Variants in SUPT5H observed in about 807,000 individuals in gnomAD.
SUPT5H encodes transcription elongation factor SPT5.
Under a neutral mutation model 142.5 loss-of-function variants are expected in SUPT5H, and 24 were observed. That is an observed-to-expected ratio of 0.17 (90% CI 0.12 to 0.24). The LOEUF (loss-of-function observed/expected upper bound fraction) is 0.24. Among genes scored for constraint, SUPT5H ranks in the 10% least tolerant of loss-of-function variants. The probability of loss-of-function intolerance (pLI) is 1.00; values close to 1 mark genes in which losing one functional copy is unlikely to be tolerated. For missense variants in SUPT5H, 893 were observed against 1,471.8 expected (o/e 0.61, Z 6.43); for synonymous variants, 546 against 553.0 (o/e 0.99, Z 0.18).
chr19:39,469,188 C>T lies in SUPT5H; in HGVS notation c.1237+16C>T. On this transcript the variant is annotated intron_variant, in intron 15 of 29. Transcript: ENST00000432763. The surrounding 1 kb of genome is among the most constrained non-coding windows in gnomAD (Gnocchi z 5.1). ...GAGAGCACAGGTATTTGATCCCCCT[C>T]TATAACCTGGGCCAAGGAGCAGGGG... The T allele has an allele frequency of 8.1e-6, 13 of 1,614,226 alleles. No individual in the cohort carries two copies. Among genetic ancestry groups the T allele is most frequent in the Non-Finnish European group, 1.0e-5 (12 of 1,180,028 alleles).
chr19:39,467,549 T>A (rs977498153), intron 13 of SUPT5H: 1 of 152,264 alleles, frequency 6.6e-6, no homozygotes, highest in Admixed American at 6.5e-5. Context: ...TTAGAAAGTC[T>A]CCTTTCCTGA....
chr19:39,456,998 T>C (rs1349205533), intron 3 of SUPT5H, among the ~76,000 whole-genome samples: 1 of 152,194 alleles, frequency 6.6e-6, no homozygotes, highest in Non-Finnish European at 1.5e-5. Flanking sequence ...TCTATGGACA[T>C]TGGAGTTTTT....
rs780611149 is a variant in SUPT5H at position 39,457,752 on chromosome 19, C to G, written c.307+12C>G. On this transcript the variant is annotated intron_variant, in intron 4 of 29. Transcript: ENST00000432763. ...CATTCTAGAGAAAGGTGTGTGTGAG[C>G]CCTGCCTCCACAAGACTACTGGGAA... 1.2e-6 allele frequency: 2 copies of G among 1,614,032 alleles called. No homozygotes were observed. Among genetic ancestry groups the G allele is most frequent in the Non-Finnish European group, 1.7e-6 (2 of 1,179,976 alleles).
At chr19:39,464,246 A>G (rs2079205177) in intron 10 of SUPT5H, among the ~76,000 whole-genome samples, 1 of 152,140 alleles carries the variant, frequency 6.6e-6, no homozygotes, top group Admixed American at 6.5e-5. Context: ...CGGCCTCCCA[A>G]AGTGCTGGGA....
intron 10 of SUPT5H, 173 bp downstream of exon 10, chr19:39,460,133 A>G (rs2079142827): frequency 3.1e-6 from 2 of 648,084 alleles, no homozygotes; most frequent in East Asian, 2.8e-5. Context: ...TTCTCGGCCT[A>G]GATGGATATG....
chr19:39,458,182 A>G lies in SUPT5H; in HGVS notation c.308-112A>G. ...TCCCTCCCTTCCCCTCCCCCAACCC[A>G]TTGGTTGATTTTGCTGCTATAATTT... On this transcript the variant is annotated intron_variant, in intron 4 of 29. Transcript: ENST00000432763. The surrounding 1 kb of genome is among the most constrained non-coding windows in gnomAD (Gnocchi z 4.2). 1.3e-6 allele frequency: 2 copies of G among 1,496,066 alleles called. No homozygotes were observed. The highest frequency in any genetic ancestry group is 1.8e-6 in the Non-Finnish European group (2 of 1,120,824). 92.7% of individuals were successfully genotyped at this position (1,496,066 alleles called of 1,614,324 possible).
intron 4 of SUPT5H, chr19:39,457,945 G>T (rs1217678745): frequency 4.2e-6 from 4 of 945,748 alleles, no homozygotes; most frequent in Admixed American, 2.0e-5. Context: ...CTGGGGTGGG[G>T]ATGTTGTGGG....
At chr19:39,453,105 A>C (rs1318587559) in intron 2 of SUPT5H, among the ~76,000 whole-genome samples, 1 of 151,958 alleles carries the variant, frequency 6.6e-6, no homozygotes, top group Non-Finnish European at 1.5e-5. Flanking sequence ...GAAAGTGAGC[A>C]AGAGGTCTAG....
intron 18 of SUPT5H, among the ~76,000 whole-genome samples, chr19:39,471,073 A>G (rs143461244): frequency 6.6e-6 from 1 of 152,276 alleles, no homozygotes; most frequent in Non-Finnish European, 1.5e-5. Flanking sequence ...TGGATGAACA[A>G]TGTTGCTATC....
intron 10 of SUPT5H, among the ~76,000 whole-genome samples, chr19:39,460,755 G>A (rs573769781): frequency 1.3e-5 from 2 of 152,262 alleles, no homozygotes; most frequent in East Asian, 3.9e-4. Flanking sequence ...TCTCAGCTAG[G>A]ACTTGTTCTG....
rs780356535 is a variant in SUPT5H, at chr19:39,469,368, C to T, written c.1344C>T (p.Ile448=). 1.9e-6 allele frequency: 3 copies of T among 1,614,152 alleles called. No individual in the cohort carries two copies. The African/African-American group carries it at 4.0e-5, about 22-fold the overall frequency. ...TCCTCAGCGTGGATGGCAACAAGAT[C>T]ACCATCATGCCCAAGCATGAGGACC... The part of the protein sequence containing the change: ...GKILSVDGNK[I]TIMPKHEDLK... The change falls in exon 16 of 30, where the codon ATC becomes ATT. Residue 448 remains isoleucine (I), a synonymous_variant. Coordinates refer to ENST00000432763, the MANE Select transcript of SUPT5H (RefSeq NM_001111020.3). The surrounding 1 kb of genome is among the most constrained non-coding windows in gnomAD (Gnocchi z 5.1).
At chr19:39,460,960 T>A (rs767446497) in intron 10 of SUPT5H, among the ~76,000 whole-genome samples, 7 of 152,118 alleles carry the variant, frequency 4.6e-5, no homozygotes, top group African/African-American at 7.2e-5. Flanking sequence ...GTTTGCAAAC[T>A]ATGCTTTTAA....
chr19:39,451,899 G>C (rs576664904), intron 2 of SUPT5H, among the ~76,000 whole-genome samples: 5 of 152,312 alleles, frequency 3.3e-5, no homozygotes, highest in African/African-American at 9.6e-5. Flanking sequence ...TAATGACATG[G>C]AAGAAGTCGT....
intron 2 of SUPT5H, among the ~76,000 whole-genome samples, chr19:39,450,055 C>T (rs1363208505): frequency 6.6e-6 from 1 of 151,670 alleles, no homozygotes; most frequent in Non-Finnish European, 1.5e-5. Context: ...CCTCCTGCTT[C>T]AGCCTCCCAA....
intron 2 of SUPT5H, among the ~76,000 whole-genome samples, chr19:39,452,809 G>A (rs74660705): frequency 0.041 from 6,162 of 152,042 alleles, 127 homozygotes; most frequent in Middle Eastern, 0.085. Context: ...TCAAGAGTTC[G>A]AGACCAGCCT....
At chr19:39,455,390 T>C (rs2079074084) in intron 3 of SUPT5H, among the ~76,000 whole-genome samples, 1 of 151,808 alleles carries the variant, frequency 6.6e-6, no homozygotes, top group East Asian at 2.0e-4. Context: ...GGCGAAACCC[T>C]GTCTCTACTA....
In SUPT5H at chr19:39,472,536, G is replaced by C. The variant is rs755034029; in HGVS notation, c.2035+43G>C. 1 of 1,604,710 alleles carries C rather than the reference G, an allele frequency of 6.2e-7. No individual in the cohort carries two copies. The highest frequency in any genetic ancestry group is 8.5e-7 in the Non-Finnish European group (1 of 1,172,498). ...TCAGGGGATGTGGTGGGTAGAAGGG[G>C]CTGGAAGGAACTTGGTTGTTCAGCC... On this transcript the variant is annotated intron_variant, in intron 21 of 29. Coordinates refer to ENST00000432763, the MANE Select transcript of SUPT5H (RefSeq NM_001111020.3). The surrounding 1 kb of genome is among the most constrained non-coding windows in gnomAD (Gnocchi z 4.2).
chr19:39,454,488 GC>G (rs2079062063), intron 3 of SUPT5H, among the ~76,000 whole-genome samples: 1 of 151,864 alleles, frequency 6.6e-6, no homozygotes, highest in Non-Finnish European at 1.5e-5. Flanking sequence ...GGGACTACGG[GC>G]ACGTGCCACC....
chr19:39,474,506 C>T lies in SUPT5H; in HGVS notation c.2821-9C>T, dbSNP rs200197827. 3 of 1,613,940 alleles carry T rather than the reference C, an allele frequency of 1.9e-6. No homozygotes were observed. The highest frequency in any genetic ancestry group is 1.6e-4 in the Middle Eastern group (1 of 6,062). Reference sequence around the variant, plus strand: ...CTATTCCCAATGACACTTCCTCTTTCCCCTGCAGGCTAGCCCCAGCCCGAG... The same window carrying T: ...CTATTCCCAATGACACTTCCTCTTTTCCCTGCAGGCTAGCCCCAGCCCGAG... On this transcript the variant is annotated splice_polypyrimidine_tract_variant and intron_variant, in intron 27 of 29. Transcript: ENST00000432763. This position sits in a 1 kb window ranked among gnomAD's most constrained non-coding sequence, Gnocchi z 6.5.
Sources: gnomAD v4.1 joint callset for allele counts (sites outside exome capture counted in the v4.1 genomes callset) on GRCh38, gnomAD v4.1.1 for gene constraint, Gnocchi (gnomAD v3.1) non-coding constraint, MANE v1.5 for transcripts, NCBI Gene and HGNC (gene_info 2026-07-23, HGNC 2026-07-21) for gene names.